PTPRD: variants seen among roughly 807,000 people sequenced by gnomAD.
The protein encoded by PTPRD is receptor-type tyrosine-protein phosphatase delta.
In PTPRD, 34 loss-of-function variants were observed where a neutral mutation model predicts 214.5. The ratio of observed to expected loss-of-function variants is 0.16; its 90% CI spans 0.12 to 0.21. The LOEUF is 0.21. PTPRD is among the 10% of genes least tolerant of loss of function. The pLI is 1.00. For synonymous variants in PTPRD, 1,128 were observed against 845.7 expected (o/e 1.33, Z -5.79); for missense variants, 2,545 against 2,398.7 (o/e 1.06, Z -1.27).
At chr9:10,173,032 G>A (rs1410168755) in intron 3 of PTPRD, among the ~76,000 whole-genome samples, 1 of 152,166 alleles carries the variant, frequency 6.6e-6, no homozygotes, top group East Asian at 1.9e-4. Context: ...ATTGATTGGT[G>A]AGTATTAATT....
intron 30 of PTPRD, among the ~76,000 whole-genome samples, chr9:8,483,470 T>C (rs562869239): frequency 1.3e-5 from 2 of 152,314 alleles, no homozygotes; most frequent in African/African-American, 2.4e-5. Flanking sequence ...TGCTTTGTAG[T>C]AGCCGGGCGC....
chr9:9,301,062 A>T (rs61703148), intron 9 of PTPRD, among the ~76,000 whole-genome samples: 2,455 of 151,864 alleles, frequency 0.016, 60 homozygotes, highest in African/African-American at 0.056. Flanking sequence ...CAAAGCAGGC[A>T]CTCAATAAAC....
intron 5 of PTPRD, among the ~76,000 whole-genome samples, chr9:9,819,629 C>A (rs984312204): frequency 1.3e-5 from 2 of 151,930 alleles, no homozygotes; most frequent in East Asian, 3.9e-4. Flanking sequence ...GAGCATAGTC[C>A]CCAACGGTTA....
intron 2 of PTPRD, among the ~76,000 whole-genome samples, chr9:10,497,371 T>A (rs574240133): frequency 6.6e-6 from 1 of 152,146 alleles, no homozygotes; most frequent in South Asian, 2.1e-4. Context: ...TACTAGATTG[T>A]AAGCTCCATA....
chr9:10,098,236 C>T (rs534096127), intron 3 of PTPRD, among the ~76,000 whole-genome samples: 6 of 150,826 alleles, frequency 4.0e-5, no homozygotes, highest in East Asian at 2.0e-4. Context: ...AGCAAACTAT[C>T]GCAAGGACAA....
chr9:9,551,481 G>A (rs1161469392), intron 8 of PTPRD, among the ~76,000 whole-genome samples: 3 of 150,034 alleles, frequency 2.0e-5, no homozygotes, highest in Non-Finnish European at 3.0e-5. Flanking sequence ...TTAGTGAAAT[G>A]GTAATAGAAT....
At chr9:10,525,287 A>G (rs551302359) in intron 2 of PTPRD, among the ~76,000 whole-genome samples, 20 of 152,198 alleles carry the variant, frequency 1.3e-4, no homozygotes, top group Middle Eastern at 3.4e-3. Flanking sequence ...ACATGTAGAT[A>G]TATTTCAGAT....
At chr9:9,314,712 G>A (rs1325010958) in intron 9 of PTPRD, among the ~76,000 whole-genome samples, 3 of 151,982 alleles carry the variant, frequency 2.0e-5, no homozygotes, top group Non-Finnish European at 4.4e-5. Flanking sequence ...TGAACAATTT[G>A]TCCATAAACT....
intron 2 of PTPRD, among the ~76,000 whole-genome samples, chr9:10,494,135 T>A (rs551054344): frequency 6.6e-6 from 1 of 152,036 alleles, no homozygotes; most frequent in South Asian, 2.1e-4. Context: ...TTCAATATAT[T>A]TACATAATCA....
chr9:8,444,760 A>T (rs1218934703), intron 34 of PTPRD, among the ~76,000 whole-genome samples: 1 of 152,186 alleles, frequency 6.6e-6, no homozygotes, highest in African/African-American at 2.4e-5. Context: ...TGCTTTTGAA[A>T]TTAAAAAGAT....
intron 6 of PTPRD, among the ~76,000 whole-genome samples, chr9:9,760,101 G>A (rs1215109545): frequency 1.3e-5 from 2 of 152,104 alleles, no homozygotes; most frequent in Non-Finnish European, 2.9e-5. Flanking sequence ...GTCTTGAGAA[G>A]GATCTCGTTA....
chr9:8,670,861 T>C (rs1208948852), intron 12 of PTPRD, among the ~76,000 whole-genome samples: 5 of 152,154 alleles, frequency 3.3e-5, no homozygotes, highest in Non-Finnish European at 7.3e-5. Context: ...TTTCTTTCAG[T>C]AGTTAGAGAG....
At chr9:9,696,150 A>G (rs1440906329) in intron 7 of PTPRD, among the ~76,000 whole-genome samples, 1 of 152,134 alleles carries the variant, frequency 6.6e-6, no homozygotes, top group African/African-American at 2.4e-5. Flanking sequence ...AATATATTCC[A>G]TTATGGTCAT....
rs150621301 is a variant in PTPRD at position 9,775,681 on chromosome 9, C to T, written c.-367-8830G>A. ...ATTCTTGGCTGGTTGCGGTGGCTCA[C>T]GCCTGTAATCCCAGCACTTTGGGAG... On this transcript the variant is annotated intron_variant, in intron 5 of 45. Coordinates refer to ENST00000381196, the MANE Select transcript of PTPRD (RefSeq NM_002839.4). 4.4e-3 allele frequency among the ~76,000 whole-genome samples: 667 copies of T among 152,214 alleles called. 2 individuals are homozygous for T. The highest frequency in any genetic ancestry group is 7.8e-3 in the Non-Finnish European group (530 of 68,010).
chr9:8,723,783 T>C (rs1035069296), intron 12 of PTPRD, among the ~76,000 whole-genome samples: 2 of 152,206 alleles, frequency 1.3e-5, no homozygotes, highest in African/African-American at 4.8e-5. Context: ...TATTTATCTT[T>C]ACACACAAAA....
chr9:9,530,353 T>C (rs1202917193), intron 8 of PTPRD, among the ~76,000 whole-genome samples: 2 of 152,192 alleles, frequency 1.3e-5, no homozygotes. Context: ...AAGACTTTTA[T>C]GAGCAACTAT....
intron 11 of PTPRD, among the ~76,000 whole-genome samples, chr9:8,946,271 G>C (rs982709666): frequency 6.6e-6 from 1 of 152,054 alleles, no homozygotes; most frequent in Non-Finnish European, 1.5e-5. Flanking sequence ...AAAACTGATA[G>C]TAGTCATCAT....
Position 10,036,492 on chromosome 9 carries a change from ATACACACACTCATG to A in PTPRD, c.-544-2716_-544-2703del, listed in dbSNP as rs2097183057. Among the ~76,000 whole-genome samples, 3 of 133,656 alleles carry A rather than the reference ATACACACACTCATG, an allele frequency of 2.2e-5. No individual in the cohort carries two copies. The South Asian group carries it at 7.4e-4, about 33-fold the overall frequency. The allele number at this position is 133,656 out of a possible 152,430, so 87.7% of individuals were successfully genotyped here. ...CAAAACAAATAGCAGCAAGGCACAC[ATACACACACTCATG>A]CACACACACACACACACACACACAC... On this transcript the variant is annotated intron_variant, in intron 3 of 45. Coordinates refer to ENST00000381196, the MANE Select transcript of PTPRD (RefSeq NM_002839.4).
rs570466851 is a variant in PTPRD, at chr9:8,581,818, C to T, written c.352+51499G>A. Among the ~76,000 whole-genome samples, 38 of 142,746 alleles carry T rather than the reference C, an allele frequency of 2.7e-4. No homozygotes were observed. In the South Asian group the frequency reaches 7.7e-3, roughly 29 times the overall value. The allele number at this position is 142,746 out of a possible 152,430, so 93.6% of individuals were successfully genotyped here. On this transcript the variant is annotated intron_variant, in intron 14 of 45. Coordinates refer to ENST00000381196, the MANE Select transcript of PTPRD (RefSeq NM_002839.4). ...GGAGAGGTGAGGGGAGGGAAGGGCC[C>T]GGTGGCTCACGCCTGTAATCCCAGC...
Sources: allele counts gnomAD v4.1 joint callset (sites outside exome capture counted in the v4.1 genomes callset), GRCh38; gene constraint gnomAD v4.1.1; transcripts MANE v1.5; gene names NCBI Gene and HGNC (gene_info 2026-07-23, HGNC 2026-07-21).